AFF2: variants seen among roughly 807,000 people sequenced by gnomAD.
AFF2 encodes AF4/FMR2 family member 2.
In AFF2, 14 loss-of-function variants were observed where a neutral mutation model predicts 76.9. The observed-to-expected ratio is 0.18, with a 90% CI of 0.12 to 0.28. The LOEUF (loss-of-function observed/expected upper bound fraction) is 0.28, where lower values mean the gene tolerates loss of function less well. Ranked by LOEUF, AFF2 falls within the 10% of genes least tolerant of loss-of-function variation. The probability of loss-of-function intolerance (pLI) is 1.00; values close to 1 mark genes in which losing one functional copy is unlikely to be tolerated. For missense variants in AFF2, 868 were observed against 1,001.1 expected (o/e 0.87, Z 1.79); for synonymous variants, 398 against 366.7 (o/e 1.09, Z -0.98).
chrX:148,798,108 T>C (rs1266314145), intron 3 of AFF2, among the ~76,000 whole-genome samples: 1 of 112,031 alleles, frequency 8.9e-6, no homozygotes, highest in African/African-American at 3.2e-5. Flanking sequence ...GCCTTCTTTC[T>C]GCATTATAAC....
At position 148,994,641 on chromosome X, in the gene AFF2, A is replaced by C. The variant is rs2124443829; in HGVS notation, c.*3309A>C. The C allele has an allele frequency of 8.9e-6, 1 of 112,550 alleles. No homozygotes were observed. The highest frequency in any genetic ancestry group is 2.8e-4 in the East Asian group (1 of 3,583). 9.3% of individuals were successfully genotyped at this position (112,550 alleles called of 1,213,427 possible). On this transcript the variant is annotated 3_prime_UTR_variant, in exon 21 of 21. Coordinates refer to ENST00000370460, the MANE Select transcript of AFF2 (RefSeq NM_002025.4). ...CATTGGCTAAAAATGTGTTTTGTTG[A>C]GTTTCCAAATGGATGAATTTTCATT...
At chrX:148,685,067 C>A (rs1398454945) in intron 3 of AFF2, among the ~76,000 whole-genome samples, 2 of 111,793 alleles carry the variant, frequency 1.8e-5, no homozygotes, top group Non-Finnish European at 3.8e-5. Context: ...AGTAGACATC[C>A]CTGACTATAG....
chrX:148,572,698 TA>T (rs1557242708), intron 1 of AFF2, among the ~76,000 whole-genome samples: 2 of 111,767 alleles, frequency 1.8e-5, no homozygotes, highest in African/African-American at 6.5e-5. Flanking sequence ...TGATTCAACT[TA>T]TATAAAATAC....
At chrX:148,966,636 G>A (rs782737461) in intron 13 of AFF2, among the ~76,000 whole-genome samples, 154 bp from the exon 14 acceptor site, 1 of 106,394 alleles carries the variant, frequency 9.4e-6, no homozygotes, top group South Asian at 4.5e-4. Flanking sequence ...AAATATCCAG[G>A]GTCACCTATT....
intron 3 of AFF2, among the ~76,000 whole-genome samples, chrX:148,687,348 T>C (rs966441856): frequency 3.6e-5 from 4 of 112,426 alleles, no homozygotes; most frequent in East Asian, 2.8e-4. Context: ...AAATAATTTA[T>C]GCAGATTACA....
intron 9 of AFF2, among the ~76,000 whole-genome samples, chrX:148,944,871 C>T (rs1189971785): frequency 1.8e-5 from 2 of 110,829 alleles, no homozygotes; most frequent in Non-Finnish European, 3.8e-5. Flanking sequence ...TGAAGTTAAT[C>T]TCATAGTATC....
intron 3 of AFF2, chrX:148,719,366 T>C: frequency 2.3e-6 from 1 of 431,693 alleles, no homozygotes; most frequent in East Asian, 3.8e-5. Flanking sequence ...AAAGCACTGA[T>C]TTAAATACAG....
chrX:148,733,108 T>C (rs1557264817), intron 3 of AFF2, among the ~76,000 whole-genome samples: 1 of 111,652 alleles, frequency 9.0e-6, no homozygotes, highest in African/African-American at 3.3e-5. Context: ...GCAAGATTTT[T>C]GTCTGGAGGT....
intron 1 of AFF2, among the ~76,000 whole-genome samples, chrX:148,564,910 T>C (rs1173563310): frequency 2.7e-5 from 3 of 112,566 alleles, no homozygotes; most frequent in African/African-American, 9.7e-5. Flanking sequence ...GGAATTGCTT[T>C]AATGTCATGG....
intron 9 of AFF2, among the ~76,000 whole-genome samples, chrX:148,925,804 A>C (rs1440165261): frequency 9.0e-6 from 1 of 111,642 alleles, no homozygotes; most frequent in African/African-American, 3.3e-5. Context: ...GTAGCTATGC[A>C]AGCCTTCGGT....
At chrX:148,901,219 C>T (rs1348985986) in intron 8 of AFF2, among the ~76,000 whole-genome samples, 6 of 111,654 alleles carry the variant, frequency 5.4e-5, no homozygotes, top group Non-Finnish European at 1.1e-4. Context: ...TCTGGCACAG[C>T]ACTCTCTCCA....
chrX:148,676,312 C>T (rs1557259480), intron 3 of AFF2, among the ~76,000 whole-genome samples: 2 of 111,622 alleles, frequency 1.8e-5, no homozygotes, highest in Non-Finnish European at 3.8e-5. Context: ...TCCCAAAGTG[C>T]TGGGATTACA....
At chrX:148,855,137 G>T (rs781905701) in intron 7 of AFF2, among the ~76,000 whole-genome samples, 114 of 111,629 alleles carry the variant, frequency 1.0e-3, no homozygotes, top group African/African-American at 3.0e-3. Context: ...ACCACCTAGT[G>T]GTGGGACAGT....
intron 1 of AFF2, among the ~76,000 whole-genome samples, chrX:148,590,811 T>C (rs149748919): frequency 0.012 from 1,377 of 112,262 alleles, 30 homozygotes; most frequent in African/African-American, 0.04. Context: ...ATATTTTTCA[T>C]TATGATTTCA....
At chrX:148,717,279 A>G (rs1268053751) in intron 3 of AFF2, among the ~76,000 whole-genome samples, 3 of 112,414 alleles carry the variant, frequency 2.7e-5, no homozygotes, top group African/African-American at 9.7e-5. Context: ...ATGAACCATA[A>G]CAACATTAGG....
chrX:148,785,039 C>T (rs1377454478), intron 3 of AFF2, among the ~76,000 whole-genome samples: 1 of 111,830 alleles, frequency 8.9e-6, no homozygotes, highest in Non-Finnish European at 1.9e-5. Context: ...TTTTTGCTTT[C>T]GCTTCTCTTG....
chrX:148,734,563 C>A (rs201225045), intron 3 of AFF2, among the ~76,000 whole-genome samples: 1 of 111,614 alleles, frequency 9.0e-6, no homozygotes, highest in Non-Finnish European at 1.9e-5. Context: ...CAGGAAATGA[C>A]GTATATGATA....
intron 7 of AFF2, among the ~76,000 whole-genome samples, chrX:148,843,799 G>T (rs1442886049): frequency 1.8e-5 from 2 of 110,710 alleles, no homozygotes; most frequent in Non-Finnish European, 3.8e-5. Context: ...GGGGTGAGGG[G>T]TCTCTCTCAG....
intron 3 of AFF2, among the ~76,000 whole-genome samples, chrX:148,728,930 A>G (rs2055190478): frequency 8.9e-6 from 1 of 112,181 alleles, no homozygotes; most frequent in Non-Finnish European, 1.9e-5. Flanking sequence ...AAGCTTTTAG[A>G]AGGGAGTAGG....
Sources: allele counts gnomAD v4.1 joint callset (sites outside exome capture counted in the v4.1 genomes callset), GRCh38; gene constraint gnomAD v4.1.1; transcripts MANE v1.5; gene names NCBI Gene and HGNC (gene_info 2026-07-23, HGNC 2026-07-21).